DPP6: variants seen among roughly 807,000 people sequenced by gnomAD.
The protein encoded by DPP6 is A-type potassium channel modulatory protein DPP6.
DPP6 carries 69 observed loss-of-function variants against 122.6 expected under a neutral mutation model. That is an observed-to-expected ratio of 0.56 (90% CI 0.46 to 0.69). The LOEUF is 0.69. Among genes scored for constraint, DPP6 ranks in the 30% least tolerant of loss-of-function variants. The pLI is 0.00. For synonymous variants in DPP6, 418 were observed against 433.1 expected (o/e 0.97, Z 0.43); for missense variants, 928 against 1,116.9 (o/e 0.83, Z 2.41).
rs559789651 is a variant in DPP6 at position 154,861,186 on chromosome 7, G to T, written c.1715-6809G>T. 4.6e-5 allele frequency among the ~76,000 whole-genome samples: 7 copies of T among 152,286 alleles called. 1 individual carries two copies. Among genetic ancestry groups the T allele is most frequent in the African/African-American group, 1.7e-4 (7 of 41,566 alleles). On this transcript the variant is annotated intron_variant, in intron 17 of 25. Transcript: ENST00000377770. ...ATGTGAGGGGACCTTGCCAAGTCAT[G>T]CCAAGACAGAGGACACTGGGCCATC...
At chr7:153,961,004 C>A (rs1178849481) in intron 1 of DPP6, among the ~76,000 whole-genome samples, 1 of 151,970 alleles carries the variant, frequency 6.6e-6, no homozygotes, top group African/African-American at 2.4e-5. Flanking sequence ...AATGAGGCAG[C>A]TGGAAAGCCA....
chr7:154,173,888 C>T (rs1167665888), intron 1 of DPP6, among the ~76,000 whole-genome samples: 1 of 152,186 alleles, frequency 6.6e-6, no homozygotes, highest in Non-Finnish European at 1.5e-5. Context: ...GGGCGGGACC[C>T]TGACACCCAC....
intron 1 of DPP6, among the ~76,000 whole-genome samples, chr7:154,080,495 T>C (rs1391391684): frequency 1.3e-5 from 2 of 152,218 alleles, no homozygotes; most frequent in Non-Finnish European, 2.9e-5. Context: ...TTGCACAAAT[T>C]ACAGGCTATG....
chr7:154,157,957 G>GTACATATATATATGTATATAAATATATA lies in DPP6; in HGVS notation c.243+104906_243+104933dup, dbSNP rs1355162589. ...TCAAAAAAAATATATACATATATAT[G>GTACATATATATATGTATATAAATATATA]TACATATATATATGTATATAAATAT... On this transcript the variant is annotated intron_variant, in intron 1 of 25. Transcript: ENST00000377770. Among the ~76,000 whole-genome samples the GTACATATATATATGTATATAAATATATA allele has an allele frequency of 9.5e-5, 14 of 147,962 alleles. No homozygotes were observed. In the East Asian group the frequency reaches 1.8e-3, roughly 19 times the overall value.
rs548308363 is a variant in DPP6 at position 154,139,338 on chromosome 7, C to T, written c.243+86275C>T. ...GTGCCACTGGTGCAAGTCTCAGAGTCCAAAAGCCAGAGAGCCTGGAGTTCT... is the reference window on the plus strand; with the variant it reads ...GTGCCACTGGTGCAAGTCTCAGAGTTCAAAAGCCAGAGAGCCTGGAGTTCT... On this transcript the variant is annotated intron_variant, in intron 1 of 25. Transcript: ENST00000377770. 1.5e-3 allele frequency among the ~76,000 whole-genome samples: 140 copies of T among 95,570 alleles called. 6 individuals carry two copies. Among genetic ancestry groups the T allele is most frequent in the South Asian group, 2.6e-3 (7 of 2,732 alleles). The allele number at this position is 95,570 out of a possible 152,430, so 62.7% of individuals were successfully genotyped here.
chr7:154,251,054 C>T (rs1302131411), intron 1 of DPP6, among the ~76,000 whole-genome samples: 1 of 152,234 alleles, frequency 6.6e-6, no homozygotes, highest in African/African-American at 2.4e-5. Context: ...GGAATAATCA[C>T]ACAAAGTATT....
At chr7:154,770,433 G>T (rs765753672) in intron 9 of DPP6, among the ~76,000 whole-genome samples, 10 of 152,170 alleles carry the variant, frequency 6.6e-5, no homozygotes, top group Non-Finnish European at 1.3e-4. Context: ...TTCAAGATGA[G>T]ATTTGGGTGG....
intron 3 of DPP6, among the ~76,000 whole-genome samples, chr7:154,534,604 A>C (rs1348633372): frequency 6.6e-6 from 1 of 152,204 alleles, no homozygotes; most frequent in African/African-American, 2.4e-5. Context: ...GAAATTAAAC[A>C]GTAATACCAT....
At chr7:154,076,100 G>A (rs71196079) in intron 1 of DPP6, among the ~76,000 whole-genome samples, 7,110 of 151,558 alleles carry the variant, frequency 0.047, 202 homozygotes, top group Middle Eastern at 0.099. Flanking sequence ...CATCTGTGAT[G>A]AAGTCAGAAG....
intron 1 of DPP6, among the ~76,000 whole-genome samples, chr7:154,028,111 C>G (rs1350236829): frequency 6.6e-6 from 1 of 151,834 alleles, no homozygotes; most frequent in Non-Finnish European, 1.5e-5. Flanking sequence ...GGTCCCCACC[C>G]TCGCATGGCT....
chr7:154,566,287 AT>A (rs901885414), intron 4 of DPP6, among the ~76,000 whole-genome samples: 3 of 150,346 alleles, frequency 2.0e-5, no homozygotes, highest in Admixed American at 1.3e-4. Flanking sequence ...TGCTCTCTCT[AT>A]TTTTTTTTCT....
chr7:154,074,509 T>C (rs1713933486), intron 1 of DPP6, among the ~76,000 whole-genome samples: 1 of 152,232 alleles, frequency 6.6e-6, no homozygotes, highest in Non-Finnish European at 1.5e-5. Context: ...TGGTCATATT[T>C]ACACAGTTCT....
chr7:154,770,995 G>A (rs1796218469), intron 9 of DPP6, among the ~76,000 whole-genome samples: 1 of 152,222 alleles, frequency 6.6e-6, no homozygotes, highest in African/African-American at 2.4e-5. Flanking sequence ...CCTGCCTGGT[G>A]ACTGGAGGCT....
intron 1 of DPP6, among the ~76,000 whole-genome samples, chr7:154,159,720 A>C (rs2150704949): frequency 6.6e-6 from 1 of 152,426 alleles, no homozygotes; most frequent in East Asian, 1.9e-4. Context: ...AGAATGAGCA[A>C]AGCGCTACAA....
At chr7:154,061,857 G>T (rs1447794409) in intron 1 of DPP6, among the ~76,000 whole-genome samples, 20 of 130,656 alleles carry the variant, frequency 1.5e-4, no homozygotes, top group African/African-American at 5.4e-4. Context: ...CCATCGCTGG[G>T]GGCGGAGGCA....
chr7:154,123,761 G>C (rs1807670853), intron 1 of DPP6, among the ~76,000 whole-genome samples: 1 of 125,038 alleles, frequency 8.0e-6, no homozygotes, highest in Non-Finnish European at 1.8e-5. Context: ...GGCTTACCTG[G>C]GGACACTCAC....
chr7:154,025,129 T>C (rs1228382674), intron 1 of DPP6, among the ~76,000 whole-genome samples: 1 of 152,172 alleles, frequency 6.6e-6, no homozygotes, highest in Non-Finnish European at 1.5e-5. Context: ...GCATCATCAG[T>C]ATTTAAAACT....
rs554424551 is a variant in DPP6 at position 154,119,173 on chromosome 7, C to T, written c.243+66110C>T. On this transcript the variant is annotated intron_variant, in intron 1 of 25. Coordinates refer to ENST00000377770, the MANE Select transcript of DPP6 (RefSeq NM_130797.4). ...CTCTTTCCCTATATACATATGGTTC[C>T]GAGCTAGAGCTGGCCACAGTGAAGC... Among the ~76,000 whole-genome samples, 53 of 152,196 alleles carry T rather than the reference C, an allele frequency of 3.5e-4. 1 individual carries two copies. Among genetic ancestry groups the T allele is most frequent in the African/African-American group, 1.2e-3 (49 of 41,516 alleles).
At chr7:154,604,499 T>G (rs1223798260) in intron 5 of DPP6, among the ~76,000 whole-genome samples, 1 of 120,940 alleles carries the variant, frequency 8.3e-6, no homozygotes, top group African/African-American at 2.6e-5. Flanking sequence ...TTGGAGAGAA[T>G]TGACTACTTT....
Sources: gnomAD v4.1 joint callset for allele counts (sites outside exome capture counted in the v4.1 genomes callset) on GRCh38, gnomAD v4.1.1 for gene constraint, MANE v1.5 for transcripts, NCBI Gene and HGNC (gene_info 2026-07-23, HGNC 2026-07-21) for gene names.